The following NFIA variants were observed in gnomAD, a reference collection of about 807,000 sequenced individuals.
The protein encoded by NFIA is nuclear factor 1 A-type.
A neutral mutation model predicts 62.8 loss-of-function variants in NFIA; 8 were observed. The ratio of observed to expected loss-of-function variants is 0.13; its 90% confidence interval spans 0.07 to 0.23. The LOEUF is 0.23. Ranked by LOEUF, NFIA falls within the 10% of genes least tolerant of loss-of-function variation. The pLI, the probability that NFIA is intolerant of heterozygous loss-of-function variation, is 1.00. For synonymous variants in NFIA, 235 were observed against 238.1 expected (o/e 0.99, Z 0.12); for missense variants, 410 against 642.1 (o/e 0.64, Z 3.91).
intron 2 of NFIA, among the ~76,000 whole-genome samples, chr1:61,131,323 A>G (rs772060286): frequency 1.3e-5 from 2 of 152,208 alleles, no homozygotes; most frequent in Non-Finnish European, 2.9e-5. Flanking sequence ...GTTATAATTA[A>G]AAACAGTGTC....
chr1:61,232,633 T>C (rs1654748718), intron 2 of NFIA, among the ~76,000 whole-genome samples: 1 of 152,218 alleles, frequency 6.6e-6, no homozygotes, highest in Non-Finnish European at 1.5e-5. Context: ...CTGTAAATAT[T>C]AGTTCCATTA....
chr1:61,410,149 G>C (rs1666033660), intron 9 of NFIA, among the ~76,000 whole-genome samples: 1 of 152,086 alleles, frequency 6.6e-6, no homozygotes, highest in East Asian at 1.9e-4. Context: ...CCGGGATAAA[G>C]GTGTGTATAG....
chr1:61,377,360 A>G (rs1221528057), intron 6 of NFIA, among the ~76,000 whole-genome samples: 1 of 152,162 alleles, frequency 6.6e-6, no homozygotes, highest in Non-Finnish European at 1.5e-5. Flanking sequence ...GCAGAGATTT[A>G]ATCTCTGTAG....
intron 2 of NFIA, among the ~76,000 whole-genome samples, chr1:61,135,774 G>T (rs944388663): frequency 1.3e-5 from 2 of 152,100 alleles, no homozygotes; most frequent in African/African-American, 4.8e-5. Flanking sequence ...CATTACATTT[G>T]CTAACGACAG....
chr1:61,403,402 T>C (rs1665664757), intron 7 of NFIA, among the ~76,000 whole-genome samples: 1 of 152,230 alleles, frequency 6.6e-6, no homozygotes, highest in South Asian at 2.1e-4. Context: ...GGAGCAGTAG[T>C]TGTCTGAGTC....
In NFIA at chr1:61,382,167, T is replaced by A. The variant is rs149346944; in HGVS notation, c.947-1070T>A. Among the ~76,000 whole-genome samples, 57 of 152,302 alleles carry A rather than the reference T, an allele frequency of 3.7e-4. 2 individuals are homozygous for A. The highest frequency in any genetic ancestry group is 1.3e-3 in the African/African-American group (56 of 41,576). On this transcript the variant is annotated intron_variant, in intron 6 of 10. Coordinates refer to ENST00000403491, the MANE Select transcript of NFIA (RefSeq NM_001134673.4). ...CGGAGACTAGGAGTCATTTCTTTTA[T>A]TTTTATATCCAAATTTTCATTGTTT...
chr1:61,395,287 TG>T (rs112019787), intron 7 of NFIA, among the ~76,000 whole-genome samples: 2,605 of 86,560 alleles, frequency 0.03, 74 homozygotes, highest in African/African-American at 0.1. Context: ...TGTGTGTGTG[TG>T]TTTTTTTTTT....
At chr1:61,152,466 C>T (rs1316103445) in intron 2 of NFIA, among the ~76,000 whole-genome samples, 1 of 152,130 alleles carries the variant, frequency 6.6e-6, no homozygotes, top group Non-Finnish European at 1.5e-5. Context: ...TCCAAGGCAT[C>T]CTATAAATAA....
chr1:61,183,110 G>T (rs1650868272), intron 2 of NFIA, among the ~76,000 whole-genome samples: 2 of 151,766 alleles, frequency 1.3e-5, no homozygotes, highest in Non-Finnish European at 2.9e-5. Flanking sequence ...TGTATATTTT[G>T]GTTCTTGGAG....
intron 2 of NFIA, among the ~76,000 whole-genome samples, chr1:61,126,054 AC>A: frequency 6.6e-6 from 1 of 152,086 alleles, no homozygotes. Flanking sequence ...AGGTTTTATA[AC>A]CCTCAAGTTT....
intron 7 of NFIA, among the ~76,000 whole-genome samples, chr1:61,387,743 T>C (rs780068982): frequency 2.0e-5 from 3 of 152,226 alleles, no homozygotes; most frequent in Non-Finnish European, 4.4e-5. Flanking sequence ...CAAATATTGG[T>C]TGAATGAATA....
chr1:61,266,771 C>T (rs1177070850), intron 2 of NFIA, among the ~76,000 whole-genome samples: 1 of 152,142 alleles, frequency 6.6e-6, no homozygotes, highest in Non-Finnish European at 1.5e-5. Context: ...CTGTATGTTC[C>T]AGGCATGGTG....
At chr1:61,178,831 T>A (rs1362473220) in intron 2 of NFIA, among the ~76,000 whole-genome samples, 2 of 152,142 alleles carry the variant, frequency 1.3e-5, no homozygotes, top group African/African-American at 4.8e-5. Context: ...AGTATTATAG[T>A]TTATTTGGGA....
chr1:61,314,010 C>T (rs1660243951), intron 3 of NFIA, among the ~76,000 whole-genome samples: 1 of 152,190 alleles, frequency 6.6e-6, no homozygotes, highest in South Asian at 2.1e-4. Flanking sequence ...CATGGCAAAG[C>T]TGAGGAGAAT....
rs753925661 is a variant in NFIA at position 61,404,234 on chromosome 1, T to G, written c.1206T>G (p.Leu402=). The G allele has an allele frequency of 3.1e-6, 5 of 1,614,198 alleles. No homozygotes were observed. The highest frequency in any genetic ancestry group is 2.2e-5 in the East Asian group (1 of 44,886). ...PQETLKEFVQ[L]VCPDAGQQAG... ...AGACGCTGAAAGAATTTGTCCAACT[T>G]GTCTGCCCTGATGCTGGTCAGCAGG... Residue 402 remains leucine, a synonymous_variant, in exon 8 of 11, where the codon CTT becomes CTG. Coordinates refer to ENST00000403491, the MANE Select transcript of NFIA (RefSeq NM_001134673.4).
chr1:61,318,472 A>T (rs1303351489), intron 3 of NFIA, among the ~76,000 whole-genome samples: 2 of 152,182 alleles, frequency 1.3e-5, no homozygotes, highest in East Asian at 3.8e-4. Flanking sequence ...CCTTAAAGTG[A>T]ATTGAGATCA....
At chr1:61,334,330 A>G (rs1289812867) in intron 4 of NFIA, among the ~76,000 whole-genome samples, 1 of 151,974 alleles carries the variant, frequency 6.6e-6, no homozygotes, top group East Asian at 1.9e-4. Flanking sequence ...TAGACACTAC[A>G]TTGCCTTGTT....
intron 9 of NFIA, among the ~76,000 whole-genome samples, chr1:61,412,047 T>C (rs886532666): frequency 1.3e-5 from 2 of 152,046 alleles, no homozygotes; most frequent in African/African-American, 2.4e-5. Context: ...ACCTAGATTT[T>C]AATAGATACA....
intron 10 of NFIA, among the ~76,000 whole-genome samples, chr1:61,438,609 A>T (rs190636633): frequency 1.3e-5 from 2 of 152,328 alleles, no homozygotes; most frequent in African/African-American, 2.4e-5. Context: ...ACTCCCAAGG[A>T]GCAAGTTAAA....
Sources: allele counts gnomAD v4.1 joint callset (sites outside exome capture counted in the v4.1 genomes callset), GRCh38; gene constraint gnomAD v4.1.1; transcripts MANE v1.5; gene names NCBI Gene and HGNC (gene_info 2026-07-23, HGNC 2026-07-21).